Variants in GSG1L observed in about 807,000 individuals in gnomAD.
The protein encoded by GSG1L is GSG1 like.
A neutral mutation model predicts 42.1 loss-of-function variants in GSG1L; 24 were observed. The observed-to-expected ratio is 0.57, with a 90% CI of 0.41 to 0.80. The LOEUF is 0.80. GSG1L is among the 30% of genes least tolerant of loss of function. The probability of loss-of-function intolerance (pLI) is 0.00; values close to 1 mark genes in which losing one functional copy is unlikely to be tolerated. For missense variants in GSG1L, 445 were observed against 472.2 expected (o/e 0.94, Z 0.53); for synonymous variants, 215 against 203.5 (o/e 1.06, Z -0.48).
rs544136359 is a variant in GSG1L at position 28,016,151 on chromosome 16, G to A, written c.349+46925C>T. ...ATTATAGGTGCATGCCACCATGCCC[G>A]GCTAATTTTTGTATTTTTAGTAGAG... On this transcript the variant is annotated intron_variant, in intron 1 of 6. Coordinates refer to ENST00000447459, the MANE Select transcript of GSG1L (RefSeq NM_001109763.2). 1.1e-4 allele frequency among the ~76,000 whole-genome samples: 16 copies of A among 152,146 alleles called. No individual in the cohort carries two copies. The South Asian group carries it at 2.1e-3, about 20-fold the overall frequency.
intron 4 of GSG1L, among the ~76,000 whole-genome samples, chr16:27,837,485 G>A: frequency 6.6e-6 from 1 of 152,196 alleles, no homozygotes; most frequent in Non-Finnish European, 1.5e-5. Flanking sequence ...GCTGATACCT[G>A]GCTGGGAGGG....
chr16:27,907,113 G>T (rs543538268), intron 2 of GSG1L, among the ~76,000 whole-genome samples: 110 of 152,360 alleles, frequency 7.2e-4, no homozygotes, highest in African/African-American at 2.5e-3. Flanking sequence ...ATCAGAGCTA[G>T]ACCTGGGAAT....
intron 1 of GSG1L, among the ~76,000 whole-genome samples, chr16:28,004,288 G>A (rs1451355079): frequency 6.6e-6 from 1 of 152,158 alleles, no homozygotes; most frequent in African/African-American, 2.4e-5. Flanking sequence ...TCTGGGCCTT[G>A]GTCTATCCAC....
intron 2 of GSG1L, among the ~76,000 whole-genome samples, chr16:27,896,314 C>G (rs1028516897): frequency 2.0e-5 from 3 of 152,188 alleles, no homozygotes; most frequent in African/African-American, 7.2e-5. Flanking sequence ...CTGGGGCTGG[C>G]TGAATAAGGG....
intron 1 of GSG1L, among the ~76,000 whole-genome samples, chr16:28,050,240 T>G (rs1245724916): frequency 6.6e-6 from 1 of 152,070 alleles, no homozygotes; most frequent in Non-Finnish European, 1.5e-5. Flanking sequence ...AGTGCAGTGG[T>G]GCAATCACAA....
intron 1 of GSG1L, among the ~76,000 whole-genome samples, chr16:27,991,867 C>G (rs1049398922): frequency 6.6e-6 from 1 of 152,178 alleles, no homozygotes; most frequent in African/African-American, 2.4e-5. Flanking sequence ...TTCCCATTGC[C>G]AATGCACTGC....
At chr16:27,866,807 T>C (rs1402176555) in intron 3 of GSG1L, among the ~76,000 whole-genome samples, 1 of 152,024 alleles carries the variant, frequency 6.6e-6, no homozygotes, top group Non-Finnish European at 1.5e-5. Flanking sequence ...CCTGACCTCA[T>C]GTGATCCTCC....
rs2085688945 is a variant in GSG1L at position 28,009,525 on chromosome 16, T to G, written c.350-46322A>C. 2.0e-5 allele frequency among the ~76,000 whole-genome samples: 3 copies of G among 152,212 alleles called. No individual in the cohort carries two copies. The South Asian group carries it at 6.2e-4, about 32-fold the overall frequency. On this transcript the variant is annotated intron_variant, in intron 1 of 6. Transcript: ENST00000447459. ...AGTCCCTGTATCACTCACCACTGAT[T>G]ACCGAGTATCTGGTGCCTAGCACAG...
intron 4 of GSG1L, among the ~76,000 whole-genome samples, chr16:27,831,125 C>T (rs2083270851): frequency 6.6e-6 from 1 of 152,174 alleles, no homozygotes; most frequent in South Asian, 2.1e-4. Flanking sequence ...TTGGCTGAAG[C>T]TACTGGGAAA....
intron 3 of GSG1L, among the ~76,000 whole-genome samples, chr16:27,865,789 A>G (rs965220348): frequency 6.6e-5 from 10 of 151,324 alleles, no homozygotes; most frequent in East Asian, 2.0e-4. Flanking sequence ...TGCAACCTCA[A>G]ACTCCCCAAG....
At chr16:27,906,004 T>C (rs1480655724) in intron 2 of GSG1L, among the ~76,000 whole-genome samples, 2 of 152,084 alleles carry the variant, frequency 1.3e-5, no homozygotes, top group African/African-American at 4.8e-5. Context: ...CTTTTGCCAA[T>C]ATAAATGGCA....
At chr16:27,896,545 T>C (rs1326223317) in intron 2 of GSG1L, among the ~76,000 whole-genome samples, 3 of 152,116 alleles carry the variant, frequency 2.0e-5, no homozygotes, top group African/African-American at 4.8e-5. Context: ...ATCCTGCACA[T>C]GGATATTGGA....
intron 1 of GSG1L, among the ~76,000 whole-genome samples, chr16:28,028,809 C>T (rs1033481639): frequency 1.3e-5 from 2 of 152,166 alleles, no homozygotes; most frequent in Non-Finnish European, 2.9e-5. Context: ...CCTTAAGCCT[C>T]CAGGCTTAGG....
chr16:27,964,330 A>G (rs1267592902), intron 1 of GSG1L, among the ~76,000 whole-genome samples: 1 of 152,180 alleles, frequency 6.6e-6, no homozygotes, highest in South Asian at 2.1e-4. Context: ...TCTCAAAAAA[A>G]AAAAAAAAAT....
rs1286661689 is a variant in GSG1L, at chr16:27,888,426, TTC to T, written c.398-3790_398-3789del. ...CTTCTTTCTTTCTTTCTTTCTTTCT[TTC>T]TTTCTTTCTTTCTTTCTTTCTTTCT... On this transcript the variant is annotated intron_variant, in intron 2 of 6. Coordinates refer to ENST00000447459, the MANE Select transcript of GSG1L (RefSeq NM_001109763.2). Among the ~76,000 whole-genome samples, 27 of 21,016 alleles carry T rather than the reference TTC, an allele frequency of 1.3e-3. 4 individuals are homozygous for T. The highest frequency in any genetic ancestry group is 1.8e-3 in the African/African-American group (18 of 10,252). The allele number at this position is 21,016 out of a possible 152,430, so 13.8% of individuals were successfully genotyped here. A position where few individuals can be genotyped will look rare whatever the true frequency, so the allele number is the denominator to read the frequency against.
chr16:27,828,999 A>G (rs753654529), intron 4 of GSG1L, 43 bp from the exon 5 acceptor site: 1 of 1,591,518 alleles, frequency 6.3e-7, no homozygotes, highest in Admixed American at 1.7e-5. Context: ...GAGGGTGGGC[A>G]AGGGACAGGA....
intron 4 of GSG1L, among the ~76,000 whole-genome samples, chr16:27,842,476 C>T (rs1471820877): frequency 6.6e-6 from 1 of 152,176 alleles, no homozygotes; most frequent in African/African-American, 2.4e-5. Context: ...CACATCAGCG[C>T]TCAGTAAATC....
At chr16:27,940,281 G>A (rs2084773509) in intron 2 of GSG1L, among the ~76,000 whole-genome samples, 1 of 151,204 alleles carries the variant, frequency 6.6e-6, no homozygotes, top group South Asian at 2.1e-4. Context: ...CAACCATTGT[G>A]GAAGTCAGTG....
At chr16:27,998,484 C>T (rs117932830) in intron 1 of GSG1L, 3,177 of 152,314 alleles carry the variant, frequency 0.021, 89 homozygotes, top group South Asian at 0.14. Flanking sequence ...GCATTTGTCA[C>T]ATCTCATCAA....
Sources: allele counts gnomAD v4.1 joint callset (sites outside exome capture counted in the v4.1 genomes callset), GRCh38; gene constraint gnomAD v4.1.1; transcripts MANE v1.5; gene names NCBI Gene and HGNC (gene_info 2026-07-23, HGNC 2026-07-21).